RBMS3: variants seen among roughly 807,000 people sequenced by gnomAD.
The protein encoded by RBMS3 is RNA-binding motif, single-stranded-interacting protein 3.
In RBMS3, 27 loss-of-function variants were observed where a neutral mutation model predicts 66.8. That is an observed-to-expected ratio of 0.40 (90% CI 0.30 to 0.56). RBMS3 has a LOEUF of 0.56. Ranked by LOEUF, RBMS3 falls within the 20% of genes least tolerant of loss-of-function variation. The pLI is 0.40. For missense variants in RBMS3, 513 were observed against 549.5 expected (o/e 0.93, Z 0.66); for synonymous variants, 188 against 183.0 (o/e 1.03, Z -0.22).
chr3:29,335,831 C>CT (rs1341924303), intron 1 of RBMS3, among the ~76,000 whole-genome samples: 5 of 152,110 alleles, frequency 3.3e-5, no homozygotes, highest in Admixed American at 6.6e-5. Context: ...TCCCTCCTTC[C>CT]TTTTTCCTCC....
chr3:29,703,062 T>C (rs951742286), intron 4 of RBMS3, among the ~76,000 whole-genome samples: 1 of 152,250 alleles, frequency 6.6e-6, no homozygotes, highest in African/African-American at 2.4e-5. Flanking sequence ...TTTTGAGCTA[T>C]TTCAAATATT....
At chr3:29,516,905 A>G (rs2044648350) in intron 3 of RBMS3, among the ~76,000 whole-genome samples, 1 of 152,204 alleles carries the variant, frequency 6.6e-6, no homozygotes, top group Admixed American at 6.5e-5. Flanking sequence ...TGTTGAAACA[A>G]TAAATGCATT....
intron 3 of RBMS3, among the ~76,000 whole-genome samples, chr3:29,583,112 A>G (rs1487664873): frequency 2.0e-5 from 3 of 152,088 alleles, no homozygotes; most frequent in Non-Finnish European, 2.9e-5. Flanking sequence ...GACTCTTTAT[A>G]AGTACGCTTT....
intron 5 of RBMS3, among the ~76,000 whole-genome samples, chr3:29,759,992 A>G (rs1462200840): frequency 6.6e-6 from 1 of 152,128 alleles, no homozygotes; most frequent in African/African-American, 2.4e-5. Flanking sequence ...GGCTCACAGC[A>G]GACATTCACT....
At chr3:29,748,848 T>C (rs556209774) in intron 5 of RBMS3, among the ~76,000 whole-genome samples, 1 of 152,182 alleles carries the variant, frequency 6.6e-6, no homozygotes, top group Non-Finnish European at 1.5e-5. Flanking sequence ...AATGGTTCTG[T>C]CCCACTCAGG....
intron 14 of RBMS3, among the ~76,000 whole-genome samples, chr3:29,992,920 G>T (rs943151727): frequency 1.3e-5 from 2 of 152,124 alleles, no homozygotes; most frequent in African/African-American, 4.8e-5. Context: ...AAGAATGGGG[G>T]CAAAAGTCTA....
intron 6 of RBMS3, among the ~76,000 whole-genome samples, chr3:29,797,107 G>A (rs2057227374): frequency 6.6e-6 from 1 of 152,086 alleles, no homozygotes; most frequent in African/African-American, 2.4e-5. Context: ...CTTCTCCTCT[G>A]TCTGGGAAAG....
rs1699881179 is a variant in RBMS3, at chr3:30,008,946, T to TATCA, written c.*5085_*5088dup. ...GAGTTCACCCCAGATTAATTTCTTT[T>TATCA]ATCATTGGCTTTATACTCTAACATA... On this transcript the variant is annotated 3_prime_UTR_variant, in exon 15 of 15. Coordinates refer to ENST00000383767, the MANE Select transcript of RBMS3 (RefSeq NM_001003793.3). The TATCA allele has an allele frequency of 6.6e-6, 1 of 152,150 alleles. No homozygotes were observed. The highest frequency in any genetic ancestry group is 1.5e-5 in the Non-Finnish European group (1 of 67,998). 9.4% of individuals were successfully genotyped at this position (152,150 alleles called of 1,614,324 possible). A position where few individuals can be genotyped will look rare whatever the true frequency, so the allele number is the denominator to read the frequency against.
intron 5 of RBMS3, among the ~76,000 whole-genome samples, chr3:29,742,595 A>G (rs1458875097): frequency 6.6e-6 from 1 of 152,234 alleles, no homozygotes; most frequent in Non-Finnish European, 1.5e-5. Context: ...GGCTTTGGAC[A>G]AAGTTAGGTG....
chr3:29,748,159 G>T (rs1056152181), intron 5 of RBMS3, among the ~76,000 whole-genome samples: 2 of 152,090 alleles, frequency 1.3e-5, no homozygotes, highest in African/African-American at 4.8e-5. Context: ...AACCAGCCAA[G>T]AAAATCTCTT....
chr3:29,344,564 T>C (rs1167326837), intron 1 of RBMS3, among the ~76,000 whole-genome samples: 3 of 152,156 alleles, frequency 2.0e-5, no homozygotes, highest in Admixed American at 6.5e-5. Context: ...ATAAATGATA[T>C]TCCCTTTTTT....
chr3:29,899,988 G>A (rs937611335), intron 10 of RBMS3, among the ~76,000 whole-genome samples: 1 of 150,494 alleles, frequency 6.6e-6, no homozygotes, highest in African/African-American at 2.5e-5. Flanking sequence ...AAGCAAGAGA[G>A]TGAGAGAGAG....
intron 6 of RBMS3, among the ~76,000 whole-genome samples, chr3:29,796,955 G>A (rs1322474840): frequency 6.6e-6 from 1 of 151,838 alleles, no homozygotes; most frequent in Non-Finnish European, 1.5e-5. Context: ...CTCATGATCT[G>A]CCCGCCTCAG....
At chr3:29,343,960 C>G (rs1240452536) in intron 1 of RBMS3, among the ~76,000 whole-genome samples, 2 of 152,156 alleles carry the variant, frequency 1.3e-5, no homozygotes, top group Non-Finnish European at 1.5e-5. Flanking sequence ...TTTCATTTTA[C>G]AGATACAGAA....
chr3:29,570,288 G>T (rs904509162), intron 3 of RBMS3, among the ~76,000 whole-genome samples: 5 of 151,832 alleles, frequency 3.3e-5, no homozygotes, highest in African/African-American at 1.2e-4. Flanking sequence ...GGAAAATGAC[G>T]TATCCATGCC....
chr3:29,571,127 C>T (rs1411076444), intron 3 of RBMS3, among the ~76,000 whole-genome samples: 3 of 151,954 alleles, frequency 2.0e-5, no homozygotes, highest in Non-Finnish European at 4.4e-5. Context: ...GTATGTCACC[C>T]TTGAAAAATT....
At chr3:29,925,557 A>T (rs2060915215) in intron 10 of RBMS3, among the ~76,000 whole-genome samples, 1 of 152,210 alleles carries the variant, frequency 6.6e-6, no homozygotes, top group Non-Finnish European at 1.5e-5. Flanking sequence ...TATTACTAAT[A>T]TTATTCCAAG....
chr3:29,647,636 C>A (rs2049976080), intron 4 of RBMS3, among the ~76,000 whole-genome samples: 1 of 152,128 alleles, frequency 6.6e-6, no homozygotes, highest in Non-Finnish European at 1.5e-5. Context: ...ATGATTGGAA[C>A]ATATCTCTCG....
chr3:29,880,371 G>C (rs1190620564), intron 7 of RBMS3, among the ~76,000 whole-genome samples: 2 of 152,086 alleles, frequency 1.3e-5, no homozygotes, highest in African/African-American at 2.4e-5. Context: ...CATACATGGT[G>C]TGACATTTTC....
Sources: gnomAD v4.1 joint callset for allele counts (sites outside exome capture counted in the v4.1 genomes callset) on GRCh38, gnomAD v4.1.1 for gene constraint, MANE v1.5 for transcripts, NCBI Gene and HGNC (gene_info 2026-07-23, HGNC 2026-07-21) for gene names.